AKAP9: variants seen among roughly 807,000 people sequenced by gnomAD.
The protein encoded by AKAP9 is A-kinase anchor protein 9.
A neutral mutation model predicts 488.5 loss-of-function variants in AKAP9; 311 were observed. The ratio of observed to expected loss-of-function variants is 0.64; its 90% CI spans 0.58 to 0.70. The LOEUF is 0.70. Ranked by LOEUF, AKAP9 falls within the 30% of genes least tolerant of loss-of-function variation. AKAP9 has a pLI of 0.00. For synonymous variants in AKAP9, 1,462 were observed against 1,483.5 expected (o/e 0.99, Z 0.33); for missense variants, 4,215 against 4,374.5 (o/e 0.96, Z 1.03).
chr7:92,038,153 TTTTACTGAACA>T (rs1187878974), intron 16 of AKAP9, among the ~76,000 whole-genome samples: 1 of 152,206 alleles, frequency 6.6e-6, no homozygotes, highest in Non-Finnish European at 1.5e-5. Context: ...ATTTTCTAAT[TTTTACTGAACA>T]TTTATGTCTG....
At chr7:92,106,416 C>G (rs1818514010) in intron 47 of AKAP9, among the ~76,000 whole-genome samples, 1 of 125,568 alleles carries the variant, frequency 8.0e-6, no homozygotes, top group Non-Finnish European at 1.7e-5. Context: ...CCCAGAATGG[C>G]CAGTAGGGAA....
chr7:92,018,162 G>A (rs1801783017), intron 12 of AKAP9, among the ~76,000 whole-genome samples: 1 of 151,988 alleles, frequency 6.6e-6, no homozygotes, highest in South Asian at 2.1e-4. Flanking sequence ...TAGGAATCAG[G>A]GCCCAGTGTT....
chr7:92,070,401 GTTGT>G (rs893716544), intron 27 of AKAP9, among the ~76,000 whole-genome samples, 195 bp downstream of exon 27: 1 of 145,436 alleles, frequency 6.9e-6, no homozygotes, highest in African/African-American at 2.7e-5. Context: ...TGTTGTTGTT[GTTGT>G]TTTGTTTTGT....
At chr7:92,009,911 G>C (rs980569590) in intron 8 of AKAP9, among the ~76,000 whole-genome samples, 6 of 152,082 alleles carry the variant, frequency 3.9e-5, no homozygotes, top group Admixed American at 2.0e-4. Context: ...ATGAGGTCTT[G>C]CTCTGTCACC....
At position 92,012,611 on chromosome 7, in the gene AKAP9, A is replaced by G; in HGVS notation, c.3501A>G (p.Leu1167=). 1 of 1,613,054 alleles carries G rather than the reference A, an allele frequency of 6.2e-7. No homozygotes were observed. The highest frequency in any genetic ancestry group is 1.1e-5 in the South Asian group (1 of 90,958). Residue 1167 remains leucine (L), a synonymous_variant, in exon 9 of 50, where the codon TTA becomes TTG. Coordinates refer to ENST00000356239, the MANE Select transcript of AKAP9 (RefSeq NM_005751.5). ...KIKELQKIHQ[L]ELQTMKTQET... is the part of the protein sequence containing the mutation. Reference sequence around the variant, plus strand: ...AGGAACTTCAGAAAATACACCAGTTAGAACTACAGACTATGAAAACACAAG... The same window carrying G: ...AGGAACTTCAGAAAATACACCAGTTGGAACTACAGACTATGAAAACACAAG...
chr7:92,055,803 G>A (rs1808698448), intron 22 of AKAP9, among the ~76,000 whole-genome samples: 1 of 151,962 alleles, frequency 6.6e-6, no homozygotes, highest in African/African-American at 2.4e-5. Flanking sequence ...TATATCATCA[G>A]TTAATATTAC....
chr7:91,966,157 G>A (rs1266332034), intron 1 of AKAP9, among the ~76,000 whole-genome samples: 1 of 152,124 alleles, frequency 6.6e-6, no homozygotes, highest in Non-Finnish European at 1.5e-5. Flanking sequence ...CTCCCATGGT[G>A]CTGTGCTTAC....
chr7:91,996,020 G>A lies in AKAP9; in HGVS notation c.930+220G>A, dbSNP rs1798364376. On this transcript the variant is annotated intron_variant, in intron 7 of 49. Coordinates refer to ENST00000356239, the MANE Select transcript of AKAP9 (RefSeq NM_005751.5). ...AAAAGTGATCAGCCTATGTTAAACT[G>A]AATTAGCAGGAAAATACAAATTTAT... The A allele has an allele frequency of 3.6e-5, 16 of 449,380 alleles. No homozygotes were observed. In the Admixed American group the frequency reaches 4.4e-4, roughly 12 times the overall value. The allele number at this position is 449,380 out of a possible 1,614,324, so 27.8% of individuals were successfully genotyped here.
intron 15 of AKAP9, among the ~76,000 whole-genome samples, chr7:92,030,730 G>A (rs550152492): frequency 3.4e-4 from 51 of 151,466 alleles, no homozygotes; most frequent in African/African-American, 1.1e-3. Flanking sequence ...AATAAGGTCC[G>A]TATGGTATAT....
intron 38 of AKAP9, chr7:92,090,654 T>C (rs1408420930): frequency 6.6e-6 from 1 of 151,718 alleles, no homozygotes; most frequent in East Asian, 1.9e-4. Flanking sequence ...ATTTCCTGTA[T>C]AGATACTCCA....
intron 1 of AKAP9, chr7:91,970,633 C>T (rs899331091): frequency 4.2e-5 from 16 of 378,294 alleles, no homozygotes; most frequent in Non-Finnish European, 6.6e-5. Context: ...TCCTTCAGCA[C>T]TTTGAACATG....
chr7:92,094,996 G>C, intron 39 of AKAP9, 27 bp from the exon 40 acceptor site: 1 of 1,611,338 alleles, frequency 6.2e-7, no homozygotes, highest in Non-Finnish European at 8.5e-7. Context: ...ATAGCTTTAT[G>C]GAAATTCATT....
In AKAP9 at chr7:92,021,482, A is replaced by T. The variant is rs111667848; in HGVS notation, c.3838-756A>T. ...GAGGCAGAGTCTTGCTCTGTCTCCC[A>T]GGCTAGAGTGCAATGGCTCAATCTT... On this transcript the variant is annotated intron_variant, in intron 12 of 49. Transcript: ENST00000356239. 3.3e-5 allele frequency among the ~76,000 whole-genome samples: 5 copies of T among 152,268 alleles called. 1 individual carries two copies. Among genetic ancestry groups the T allele is most frequent in the African/African-American group, 1.2e-4 (5 of 41,554 alleles).
intron 1 of AKAP9, among the ~76,000 whole-genome samples, chr7:91,967,276 A>G (rs531914647): frequency 1.3e-5 from 2 of 152,068 alleles, no homozygotes; most frequent in South Asian, 4.2e-4. Flanking sequence ...GGCTAAATTG[A>G]CCTTTTCCTT....
In AKAP9 at chr7:92,097,155, C is replaced by T; in HGVS notation, c.10196C>T (p.Thr3399Ile). ...KTLQTEQEAN[T>I]EGQKKMHELQ... ...CTGCAGACAGAACAGGAGGCCAACA[C>T]TGAGGGACAGAAAAAAATGCATGAG... Residue 3399 changes from threonine to isoleucine, a missense_variant, in exon 41 of 50, where the codon ACT becomes ATT. Thr to Ile is a moderately conservative substitution (Grantham distance 89). Coordinates refer to ENST00000356239, the MANE Select transcript of AKAP9 (RefSeq NM_005751.5). The T allele has an allele frequency of 6.2e-7, 1 of 1,614,102 alleles. No individual in the cohort carries two copies. The highest frequency in any genetic ancestry group is 8.5e-7 in the Non-Finnish European group (1 of 1,180,012).
rs1277488715 is a variant in AKAP9, at chr7:92,062,384, T to G, written c.5875T>G (p.Leu1959Val). The change falls in exon 24 of 50, where the codon TTG becomes GTG. Residue 1959 changes from leucine (L) to valine (V), a missense_variant. By Grantham distance (32) the Leu-to-Val change is conservative. This residue lies in a region of AKAP9 where 2,361 missense variants were observed against 2,430.0 expected (regional missense o/e 0.97). Coordinates refer to ENST00000356239, the MANE Select transcript of AKAP9 (RefSeq NM_005751.5). ...EQELLCASNR[L>V]QELEAEQQQI... ...GGAGTTGTTATGTGCAAGTAACAGGTTGCAAGAATTGGAGGCAGAGCAACA... is the reference window on the plus strand; with the variant it reads ...GGAGTTGTTATGTGCAAGTAACAGGGTGCAAGAATTGGAGGCAGAGCAACA... The G allele has an allele frequency of 1.9e-6, 3 of 1,613,712 alleles. No individual in the cohort carries two copies. The African/African-American group carries it at 4.0e-5, about 22-fold the overall frequency.
chr7:92,062,275 C>T lies in AKAP9; in HGVS notation c.5766C>T (p.Gly1922=), dbSNP rs781051056. The T allele has an allele frequency of 5.0e-6, 8 of 1,607,984 alleles. No homozygotes were observed. The Middle Eastern group carries it at 5.0e-4, about 100-fold the overall frequency. ...QLAVELSKAE[G]VIDGYADEKT... ...TTTTCTGTTAATTTTGTATTATAGGCGTCATTGATGGCTATGCAGATGAAA... is the reference window on the plus strand; with the variant it reads ...TTTTCTGTTAATTTTGTATTATAGGTGTCATTGATGGCTATGCAGATGAAA... The change falls in exon 24 of 50, where the codon GGC becomes GGT. Residue 1922 remains glycine (G), a splice_region_variant and synonymous_variant. Transcript: ENST00000356239.
At position 91,973,716 on chromosome 7, in the gene AKAP9, C is replaced by A. The variant is rs770850802; in HGVS notation, c.54C>A (p.Ala18=). The A allele has an allele frequency of 4.3e-5, 69 of 1,613,202 alleles. No individual in the cohort carries two copies. Among genetic ancestry groups the A allele is most frequent in the Middle Eastern group, 1.6e-4 (1 of 6,082 alleles). ...GTTATTTTCTTTTTTCTTAGCTTGC[C>A]CAGTTTCGACAAAGAAAAGCTCAGT... ...KKLEAGKAKL[A]QFRQRKAQSD... Residue 18 remains alanine (A), a synonymous_variant, in exon 2 of 50, where the codon GCC becomes GCA. Coordinates refer to ENST00000356239, the MANE Select transcript of AKAP9 (RefSeq NM_005751.5).
chr7:91,952,288 A>G (rs1009600533), intron 1 of AKAP9, among the ~76,000 whole-genome samples: 9 of 152,250 alleles, frequency 5.9e-5, no homozygotes, highest in Admixed American at 5.2e-4. Flanking sequence ...TTCAGTAAAT[A>G]TGATTGAACA....
Sources: allele counts gnomAD v4.1 joint callset (sites outside exome capture counted in the v4.1 genomes callset), GRCh38; gene constraint gnomAD v4.1.1; regional missense constraint gnomAD v4.1.1; transcripts MANE v1.5; gene names NCBI Gene and HGNC (gene_info 2026-07-23, HGNC 2026-07-21).